Variants in TAOK3 observed in about 807,000 individuals in gnomAD.
TAOK3 encodes the protein TAO kinase 3.
TAOK3 carries 40 observed loss-of-function variants against 120.4 expected under a neutral mutation model. That is an observed-to-expected ratio of 0.33 (90% CI 0.26 to 0.43). The LOEUF is 0.43. Among genes scored for constraint, TAOK3 ranks in the 20% least tolerant of loss-of-function variants. TAOK3 has a pLI of 1.00. For synonymous variants in TAOK3, 355 were observed against 387.5 expected, an observed-to-expected ratio of 0.92 and a Z score of 0.99; for missense variants, 821 against 1,112.1, an observed-to-expected ratio of 0.74 and a Z score of 3.72.
intron 1 of TAOK3, chr12:118,359,006 T>C (rs2141286709): frequency 6.6e-6 from 1 of 152,266 alleles, no homozygotes; most frequent in Non-Finnish European, 1.5e-5. Context: ...CAACAATCAA[T>C]ACGATTTCCC....
chr12:118,233,783 C>G lies in TAOK3; in HGVS notation c.552-18G>C, dbSNP rs1211037167. On this transcript the variant is annotated intron_variant, in intron 8 of 20. Coordinates refer to ENST00000392533, the MANE Select transcript of TAOK3 (RefSeq NM_016281.4). Reference sequence around the variant, plus strand: ...GAGCCATCCTACCAAACATAAGGTACAAAACTCAAGTTGGAGATTAAAAAC... The same window carrying G: ...GAGCCATCCTACCAAACATAAGGTAGAAAACTCAAGTTGGAGATTAAAAAC... 1 of 1,574,598 alleles carries G rather than the reference C, an allele frequency of 6.4e-7. No individual in the cohort carries two copies.
chr12:118,176,307 A>T (rs1170275790), intron 16 of TAOK3, among the ~76,000 whole-genome samples: 3 of 152,096 alleles, frequency 2.0e-5, no homozygotes, highest in Non-Finnish European at 2.9e-5. Context: ...CTGAAAGGTG[A>T]CCATGGTGGC....
intron 19 of TAOK3, among the ~76,000 whole-genome samples, chr12:118,158,005 T>TCCCAGTCC: frequency 6.6e-6 from 1 of 152,114 alleles, no homozygotes; most frequent in African/African-American, 2.4e-5. Context: ...CTATAATGTC[T>TCCCAGTCC]CCCAGTCCCA....
At position 118,182,623 on chromosome 12, in the gene TAOK3, A is replaced by ATATATATATATATT. The variant is rs371125415; in HGVS notation, c.1330-1017_1330-1016insAATATATATATATA. ...TGTATATATATATATATATATATATATTTTTTTTTTTTTTTAAGGATCATG... is the reference window on the plus strand; with the variant it reads ...TGTATATATATATATATATATATATATATATATATATATTTTTTTTTTTTTTTTTAAGGATCATG... On this transcript the variant is annotated intron_variant, in intron 14 of 20. Coordinates refer to ENST00000392533, the MANE Select transcript of TAOK3 (RefSeq NM_016281.4). Among the ~76,000 whole-genome samples the ATATATATATATATT allele has an allele frequency of 2.7e-4, 25 of 92,384 alleles. No homozygotes were observed. The East Asian group carries it at 6.1e-3, about 23-fold the overall frequency. 60.6% of individuals were successfully genotyped at this position (92,384 alleles called of 152,430 possible). A position where few individuals can be genotyped will look rare whatever the true frequency, so the allele number is the denominator to read the frequency against.
At chr12:118,266,359 AT>A (rs11348740) in intron 2 of TAOK3, among the ~76,000 whole-genome samples, 72,675 of 144,322 alleles carry the variant, frequency 0.5, 18,252 homozygotes, top group African/African-American at 0.6. Context: ...CGCCCGGCTA[AT>A]TTTTTTTTTT....
intron 1 of TAOK3, among the ~76,000 whole-genome samples, chr12:118,341,224 C>T (rs1333322829): frequency 6.6e-6 from 1 of 152,050 alleles, no homozygotes; most frequent in Non-Finnish European, 1.5e-5. Context: ...TGGTTTCAAA[C>T]ATCTGACCTC....
intron 1 of TAOK3, among the ~76,000 whole-genome samples, chr12:118,366,742 G>C (rs1480744090): frequency 6.6e-6 from 1 of 152,144 alleles, no homozygotes; most frequent in African/African-American, 2.4e-5. Flanking sequence ...AGGAGTTAAA[G>C]TCACGTGGAC....
chr12:118,274,372 T>C (rs2041834270), intron 1 of TAOK3, among the ~76,000 whole-genome samples: 2 of 152,162 alleles, frequency 1.3e-5, no homozygotes, highest in South Asian at 4.1e-4. Flanking sequence ...ACGTGGCAAA[T>C]AATGCAGAAG....
intron 3 of TAOK3, chr12:118,246,276 A>T: frequency 6.5e-7 from 1 of 1,536,686 alleles, no homozygotes; most frequent in Non-Finnish European, 8.9e-7. Context: ...GCCCGTCACC[A>T]AGTTGGGCCG....
chr12:118,170,590 C>A (rs1039745965), intron 17 of TAOK3, among the ~76,000 whole-genome samples: 2 of 152,066 alleles, frequency 1.3e-5, no homozygotes, highest in Non-Finnish European at 2.9e-5. Flanking sequence ...GGTAAAACCC[C>A]CACCTCTACT....
At chr12:118,181,727 C>T (rs953317386) in intron 14 of TAOK3, 120 bp from the exon 15 acceptor site, 2 of 808,788 alleles carry the variant, frequency 2.5e-6, no homozygotes, top group African/African-American at 3.4e-5. Context: ...AATTTACCTA[C>T]TGTTTAGTGA....
At chr12:118,236,241 A>C (rs1195952165) in intron 7 of TAOK3, 2 of 152,694 alleles carry the variant, frequency 1.3e-5, no homozygotes, top group African/African-American at 4.8e-5. Flanking sequence ...GGTACATGTT[A>C]TATAGAAGGT....
At chr12:118,288,653 C>T (rs1475500892) in intron 1 of TAOK3, among the ~76,000 whole-genome samples, 5 of 152,148 alleles carry the variant, frequency 3.3e-5, no homozygotes, top group Non-Finnish European at 7.4e-5. Flanking sequence ...CGGTGGCTCA[C>T]GCCTGTAATC....
chr12:118,344,510 G>A (rs1222723378), intron 1 of TAOK3, among the ~76,000 whole-genome samples: 1 of 151,880 alleles, frequency 6.6e-6, no homozygotes, highest in East Asian at 1.9e-4. Context: ...CCTAAGAAAT[G>A]TGGTATCAAC....
intron 2 of TAOK3, among the ~76,000 whole-genome samples, chr12:118,263,794 G>C (rs11068892): frequency 6.6e-6 from 1 of 152,134 alleles, no homozygotes; most frequent in Non-Finnish European, 1.5e-5. Context: ...GGCCGGGCAC[G>C]GTGGCTCACA....
chr12:118,248,738 A>G (rs1010820021), intron 3 of TAOK3, among the ~76,000 whole-genome samples: 7 of 152,194 alleles, frequency 4.6e-5, no homozygotes, highest in Non-Finnish European at 1.0e-4. Context: ...ACCTAAAAAC[A>G]TGAAAAATAA....
chr12:118,348,924 T>G (rs1467274630), intron 1 of TAOK3, among the ~76,000 whole-genome samples: 1 of 151,382 alleles, frequency 6.6e-6, no homozygotes, highest in Non-Finnish European at 1.5e-5. Context: ...GTCTCACTCT[T>G]GTTGCCCAGG....
At chr12:118,279,914 C>T (rs1479875504) in intron 1 of TAOK3, among the ~76,000 whole-genome samples, 4 of 151,310 alleles carry the variant, frequency 2.6e-5, no homozygotes, top group African/African-American at 4.9e-5. Context: ...TATAGGCGCC[C>T]GCCACCACGT....
chr12:118,348,433 G>A (rs1566155719), intron 1 of TAOK3, among the ~76,000 whole-genome samples: 1 of 151,988 alleles, frequency 6.6e-6, no homozygotes, highest in Non-Finnish European at 1.5e-5. Flanking sequence ...GTCTGCTTCT[G>A]CCTTATTTCT....
Sources: allele counts gnomAD v4.1 joint callset (sites outside exome capture counted in the v4.1 genomes callset), GRCh38; gene constraint gnomAD v4.1.1; transcripts MANE v1.5; gene names NCBI Gene and HGNC (gene_info 2026-07-23, HGNC 2026-07-21).